PIK3C2G: variants seen among roughly 807,000 people sequenced by gnomAD.
PIK3C2G encodes phosphatidylinositol 3-kinase C2 domain-containing subunit gamma.
In PIK3C2G, 168 loss-of-function variants were observed where a neutral mutation model predicts 181.1. The ratio of observed to expected loss-of-function variants is 0.93; its 90% CI spans 0.82 to 1.05. PIK3C2G has a LOEUF of 1.05. Among genes scored for constraint, PIK3C2G ranks in the 50% least tolerant of loss-of-function variants. The probability of loss-of-function intolerance (pLI) is 0.00; values close to 1 mark genes in which losing one functional copy is unlikely to be tolerated. For missense variants in PIK3C2G, 1,869 were observed against 1,732.8 expected, an observed-to-expected ratio of 1.08 and a Z score of -1.40; for synonymous variants, 573 against 592.2, an observed-to-expected ratio of 0.97 and a Z score of 0.47.
chr12:18,582,307 C>G (rs1157386653), intron 29 of PIK3C2G, among the ~76,000 whole-genome samples: 1 of 152,084 alleles, frequency 6.6e-6, no homozygotes, highest in Non-Finnish European at 1.5e-5. Context: ...GGGAACCTCC[C>G]CAGCCCAGGG....
At position 18,295,118 on chromosome 12, in the gene PIK3C2G, TAATA is replaced by T. The variant is rs1439860227; in HGVS notation, c.1034+1109_1034+1112del. Among the ~76,000 whole-genome samples the T allele has an allele frequency of 5.3e-5, 8 of 149,966 alleles. No individual in the cohort carries two copies. In the East Asian group the frequency reaches 7.8e-4, roughly 15 times the overall value. ...TAGCATTTTTATAATTATTATTTTATAATAAATAATTATACATAAACAAAATAAT... is the reference window on the plus strand; with the variant it reads ...TAGCATTTTTATAATTATTATTTTATAATAATTATACATAAACAAAATAAT... On this transcript the variant is annotated intron_variant, in intron 5 of 32. Transcript: ENST00000538779.
intron 18 of PIK3C2G, among the ~76,000 whole-genome samples, chr12:18,433,174 A>T (rs1236463704): frequency 6.6e-6 from 1 of 152,190 alleles, no homozygotes; most frequent in Non-Finnish European, 1.5e-5. Context: ...AGTAGATAGC[A>T]GATTGTTTCC....
chr12:18,335,476 T>A (rs1938445343), intron 8 of PIK3C2G, among the ~76,000 whole-genome samples: 1 of 152,082 alleles, frequency 6.6e-6, no homozygotes, highest in African/African-American at 2.4e-5. Context: ...TGTGTGTGTA[T>A]GTATGTGTGG....
At chr12:18,377,360 C>T (rs948610142) in intron 13 of PIK3C2G, among the ~76,000 whole-genome samples, 1 of 152,126 alleles carries the variant, frequency 6.6e-6, no homozygotes, top group Non-Finnish European at 1.5e-5. Context: ...CTTAAGGATA[C>T]TCCAGAACAA....
intron 6 of PIK3C2G, among the ~76,000 whole-genome samples, chr12:18,318,590 G>T (rs571577617): frequency 4.7e-4 from 71 of 151,848 alleles, no homozygotes; most frequent in African/African-American, 1.6e-3. Flanking sequence ...TGTCTTGATA[G>T]TATTTTTTTC....
chr12:18,594,584 C>T lies in PIK3C2G; in HGVS notation c.4087+15C>T, dbSNP rs569556589. ...TGTGTACCTAGGTAAGTAAATTTGT[C>T]ATTATATTACGTACAGTGATTTTCA... is the stretch of plus-strand genomic sequence containing the variant. On this transcript the variant is annotated intron_variant, in intron 30 of 32. Transcript: ENST00000538779. 2.7e-5 allele frequency: 36 copies of T among 1,355,966 alleles called. No individual in the cohort carries two copies. Among genetic ancestry groups the T allele is most frequent in the Non-Finnish European group, 3.5e-5 (35 of 992,948 alleles). 84.0% of individuals were successfully genotyped at this position (1,355,966 alleles called of 1,614,324 possible).
intron 16 of PIK3C2G, among the ~76,000 whole-genome samples, chr12:18,406,443 T>C (rs950547079): frequency 2.0e-5 from 3 of 152,154 alleles, no homozygotes; most frequent in Admixed American, 6.5e-5. Flanking sequence ...TTAGATTCCA[T>C]ACTTCAAGTT....
At position 18,593,968 on chromosome 12, in the gene PIK3C2G, A is replaced by G. The variant is rs149091293; in HGVS notation, c.4012-526A>G. Among the ~76,000 whole-genome samples the G allele has an allele frequency of 5.8e-3, 885 of 152,016 alleles. 15 individuals carry two copies. The highest frequency in any genetic ancestry group is 0.025 in the East Asian group (130 of 5,124). On this transcript the variant is annotated intron_variant, in intron 29 of 32. Coordinates refer to ENST00000538779, the MANE Select transcript of PIK3C2G (RefSeq NM_001288772.2). ...AAACAGATTATATTACTTTAATAAA[A>G]ATTCTAGTTATAAATAATTTTACTA... is the stretch of plus-strand genomic sequence containing the variant.
At chr12:18,698,242 CTTCTATTCTATTCTATTCTA>C in the PIK3C2G span, among the ~76,000 whole-genome samples, 2 of 145,400 alleles carry the variant, frequency 1.4e-5, no homozygotes, top group Non-Finnish European at 3.0e-5. Context: ...ATACACTTTT[CTTCTATTCTATTCTATTCTA>C]TTCTATTCTA....
At chr12:18,557,680 TA>T (rs560098599) in intron 26 of PIK3C2G, among the ~76,000 whole-genome samples, 233 of 152,268 alleles carry the variant, frequency 1.5e-3, no homozygotes, top group African/African-American at 5.3e-3. Context: ...ATTTGCAGGT[TA>T]CATGACTGTG....
chr12:18,271,001 C>G (rs1052095509), intron 1 of PIK3C2G, among the ~76,000 whole-genome samples: 3 of 151,678 alleles, frequency 2.0e-5, no homozygotes, highest in Admixed American at 6.6e-5. Flanking sequence ...CTTCCTTTAC[C>G]CTCTTTTTGT....
intron 6 of PIK3C2G, among the ~76,000 whole-genome samples, chr12:18,317,768 T>A (rs2137435647): frequency 6.6e-6 from 1 of 152,354 alleles, no homozygotes; most frequent in East Asian, 1.9e-4. Context: ...GCAAAAATTC[T>A]GGTTTCATAT....
rs76012788 is a variant in PIK3C2G at position 18,615,369 on chromosome 12, G to C, written c.4182+5740G>C. 1.3e-4 allele frequency among the ~76,000 whole-genome samples: 9 copies of C among 70,710 alleles called. No homozygotes were observed. The East Asian group carries it at 7.8e-3, about 62-fold the overall frequency. The allele number at this position is 70,710 out of a possible 152,430, so 46.4% of individuals were successfully genotyped here. On this transcript the variant is annotated intron_variant, in intron 31 of 32. Coordinates refer to ENST00000538779, the MANE Select transcript of PIK3C2G (RefSeq NM_001288772.2). ...TGTGTGTGTGTGTGTGTGTGTGTGTGTATGTGTATATATATATATCACGGT... is the reference window on the plus strand; with the variant it reads ...TGTGTGTGTGTGTGTGTGTGTGTGTCTATGTGTATATATATATATCACGGT...
chr12:18,353,365 T>A (rs1486012912), intron 11 of PIK3C2G, among the ~76,000 whole-genome samples: 2 of 151,910 alleles, frequency 1.3e-5, no homozygotes, highest in Non-Finnish European at 2.9e-5. Context: ...GGGTCACACA[T>A]GTGTATTATA....
In PIK3C2G at chr12:18,442,998, C is replaced by T. The variant is rs532555352; in HGVS notation, c.2504+18959C>T. 4.6e-5 allele frequency among the ~76,000 whole-genome samples: 7 copies of T among 151,836 alleles called. No homozygotes were observed. The South Asian group carries it at 1.0e-3, about 23-fold the overall frequency. ...GAGATTCTCCTGCCTCAGCCTCCCA[C>T]GTAGCTGGGATTACAGGCACCCGCC... On this transcript the variant is annotated intron_variant, in intron 18 of 32. Coordinates refer to ENST00000538779, the MANE Select transcript of PIK3C2G (RefSeq NM_001288772.2).
intron 18 of PIK3C2G, among the ~76,000 whole-genome samples, chr12:18,484,157 A>T (rs992763617): frequency 6.6e-6 from 1 of 152,198 alleles, no homozygotes; most frequent in Non-Finnish European, 1.5e-5. Context: ...AGTAAATTCT[A>T]CCTACAGGAA....
chr12:18,674,075 A>G, the PIK3C2G span, among the ~76,000 whole-genome samples: 2 of 152,226 alleles, frequency 1.3e-5, no homozygotes, highest in Non-Finnish European at 2.9e-5. Context: ...TAGATATCTT[A>G]CAGTCTGTCT....
intron 1 of PIK3C2G, among the ~76,000 whole-genome samples, chr12:18,273,920 A>T (rs1591798675): frequency 1.3e-5 from 2 of 152,308 alleles, no homozygotes; most frequent in Middle Eastern, 3.4e-3. Flanking sequence ...CAAAGGGCTA[A>T]TATCCAGAAT....
At chr12:18,380,080 G>A (rs541735133) in intron 13 of PIK3C2G, among the ~76,000 whole-genome samples, 23 of 152,294 alleles carry the variant, frequency 1.5e-4, no homozygotes, top group African/African-American at 5.5e-4. Flanking sequence ...GAAACGGGGA[G>A]TGAGAAGAGG....
Sources: gnomAD v4.1 joint callset for allele counts (sites outside exome capture counted in the v4.1 genomes callset) on GRCh38, gnomAD v4.1.1 for gene constraint, MANE v1.5 for transcripts, NCBI Gene and HGNC (gene_info 2026-07-23, HGNC 2026-07-21) for gene names.